Variants in GALNTL6 observed in about 807,000 individuals in gnomAD.
GALNTL6 encodes the protein polypeptide N-acetylgalactosaminyltransferase like 6.
A neutral mutation model predicts 73.7 loss-of-function variants in GALNTL6; 46 were observed. That is an observed-to-expected ratio of 0.62 (90% confidence interval 0.49 to 0.80). The LOEUF (loss-of-function observed/expected upper bound fraction) is 0.80. GALNTL6 is among the 30% of genes least tolerant of loss of function. The pLI, the probability that GALNTL6 is intolerant of heterozygous loss-of-function variation, is 0.00. For synonymous variants in GALNTL6, 259 were observed against 263.7 expected (o/e 0.98, Z 0.17); for missense variants, 604 against 755.0 (o/e 0.80, Z 2.34).
chr4:172,836,119 T>C (rs1369727671), intron 7 of GALNTL6, among the ~76,000 whole-genome samples: 1 of 152,094 alleles, frequency 6.6e-6, no homozygotes, highest in Non-Finnish European at 1.5e-5. Context: ...CCAGAAAGGA[T>C]CTCTATTCCA....
intron 10 of GALNTL6, among the ~76,000 whole-genome samples, chr4:172,980,283 C>T (rs1228864826): frequency 6.6e-6 from 1 of 152,166 alleles, no homozygotes; most frequent in Non-Finnish European, 1.5e-5. Context: ...ATATATAGAC[C>T]TAACTTTAAA....
intron 11 of GALNTL6, among the ~76,000 whole-genome samples, chr4:173,015,180 T>G (rs762099158): frequency 6.6e-6 from 1 of 152,232 alleles, no homozygotes; most frequent in African/African-American, 2.4e-5. Flanking sequence ...GAATTAAACA[T>G]CTCTCATTTA....
At chr4:171,942,129 G>A (rs1215364695) in intron 2 of GALNTL6, among the ~76,000 whole-genome samples, 2 of 151,802 alleles carry the variant, frequency 1.3e-5, no homozygotes, top group African/African-American at 4.8e-5. Flanking sequence ...GGTGGCTCAC[G>A]CCTGGAATCC....
At chr4:172,978,250 A>G (rs1750915637) in intron 10 of GALNTL6, among the ~76,000 whole-genome samples, 2 of 152,322 alleles carry the variant, frequency 1.3e-5, no homozygotes, top group South Asian at 4.1e-4. Flanking sequence ...TATGATGTGA[A>G]TGCTGAGGCT....
chr4:172,718,466 T>TA (rs112535848), intron 5 of GALNTL6, among the ~76,000 whole-genome samples: 11 of 148,832 alleles, frequency 7.4e-5, no homozygotes, highest in East Asian at 2.0e-4. Context: ...ACCCTGTCTC[T>TA]AAAAAAAAAA....
At chr4:172,457,410 A>G (rs1732438137) in intron 5 of GALNTL6, among the ~76,000 whole-genome samples, 2 of 152,212 alleles carry the variant, frequency 1.3e-5, no homozygotes, top group African/African-American at 2.4e-5. Flanking sequence ...TAAAAGACAC[A>G]GACTGGAAAA....
chr4:172,412,005 G>A (rs1744459804), intron 5 of GALNTL6, among the ~76,000 whole-genome samples: 1 of 151,800 alleles, frequency 6.6e-6, no homozygotes, highest in African/African-American at 2.4e-5. Context: ...TGGAGCACTG[G>A]AAATATATTT....
intron 5 of GALNTL6, among the ~76,000 whole-genome samples, chr4:172,361,893 G>A (rs1742384124): frequency 6.6e-6 from 1 of 152,018 alleles, no homozygotes; most frequent in African/African-American, 2.4e-5. Context: ...TATCTTACTT[G>A]TCATGTACTC....
intron 3 of GALNTL6, among the ~76,000 whole-genome samples, chr4:172,296,895 G>A (rs752787272): frequency 6.6e-6 from 1 of 152,134 alleles, no homozygotes; most frequent in African/African-American, 2.4e-5. Context: ...GGATTGCTGG[G>A]TCAAATGGTA....
intron 2 of GALNTL6, among the ~76,000 whole-genome samples, chr4:171,994,091 TG>T (rs986835207): frequency 2.0e-5 from 3 of 152,054 alleles, no homozygotes; most frequent in African/African-American, 7.2e-5. Context: ...AGATTACAAG[TG>T]TATTGCCCCT....
intron 5 of GALNTL6, among the ~76,000 whole-genome samples, chr4:172,555,264 GAAGTATAAGA>G (rs916373987): frequency 9.9e-5 from 15 of 152,080 alleles, no homozygotes; most frequent in Non-Finnish European, 2.2e-4. Context: ...TCTACCTGTA[GAAGTATAAGA>G]AAGTACAATA....
chr4:172,522,871 A>G (rs1303801191), intron 5 of GALNTL6, among the ~76,000 whole-genome samples: 1 of 152,176 alleles, frequency 6.6e-6, no homozygotes, highest in Non-Finnish European at 1.5e-5. Context: ...CAACTGAGTA[A>G]TTTATTACAA....
rs540416705 is a variant in GALNTL6 at position 173,026,890 on chromosome 4, C to T, written c.1638+5265C>T. 1.4e-3 allele frequency among the ~76,000 whole-genome samples: 208 copies of T among 152,202 alleles called. 1 individual carries two copies. The highest frequency in any genetic ancestry group is 4.8e-3 in the African/African-American group (198 of 41,544). On this transcript the variant is annotated intron_variant, in intron 12 of 12. Transcript: ENST00000506823. ...TGTGTTCTGTTTAGGAAATCCTGGC[C>T]TTCATGTAGTTAGTCTTCCAAGTCA...
intron 3 of GALNTL6, among the ~76,000 whole-genome samples, chr4:172,289,252 G>C (rs566194692): frequency 6.6e-6 from 1 of 152,056 alleles, no homozygotes; most frequent in South Asian, 2.1e-4. Context: ...GTTTTGTTGC[G>C]TTCTTTTGAA....
At chr4:172,484,789 A>C (rs994223523) in intron 5 of GALNTL6, among the ~76,000 whole-genome samples, 1 of 152,314 alleles carries the variant, frequency 6.6e-6, no homozygotes, top group Non-Finnish European at 1.5e-5. Context: ...CAGAAGAATA[A>C]GATTTTTCTC....
At chr4:172,525,564 A>T (rs1734922605) in intron 5 of GALNTL6, among the ~76,000 whole-genome samples, 1 of 152,126 alleles carries the variant, frequency 6.6e-6, no homozygotes. Flanking sequence ...ACCTCCAATG[A>T]TTATAATTTA....
intron 2 of GALNTL6, among the ~76,000 whole-genome samples, chr4:171,827,973 T>C (rs896352383): frequency 1.3e-5 from 2 of 152,132 alleles, no homozygotes; most frequent in Non-Finnish European, 2.9e-5. Flanking sequence ...TACAAATGCA[T>C]AAAATATATG....
intron 5 of GALNTL6, among the ~76,000 whole-genome samples, chr4:172,802,626 T>C (rs2110964980): frequency 6.6e-6 from 1 of 152,038 alleles, no homozygotes; most frequent in Non-Finnish European, 1.5e-5. Flanking sequence ...TGAAACCCCA[T>C]CTCTACTAAA....
intron 7 of GALNTL6, among the ~76,000 whole-genome samples, chr4:172,860,122 G>C (rs1488803681): frequency 6.6e-6 from 1 of 152,028 alleles, no homozygotes; most frequent in Non-Finnish European, 1.5e-5. Flanking sequence ...CAAAAGTTGG[G>C]GACCACTGCT....
Sources: gnomAD v4.1 joint callset for allele counts (sites outside exome capture counted in the v4.1 genomes callset) on GRCh38, gnomAD v4.1.1 for gene constraint, MANE v1.5 for transcripts, NCBI Gene and HGNC (gene_info 2026-07-23, HGNC 2026-07-21) for gene names.